The following PTPRZ1 variants were observed in gnomAD, a reference collection of about 807,000 sequenced individuals.
PTPRZ1 encodes the protein protein tyrosine phosphatase receptor type Z1, also known as receptor-type tyrosine-protein phosphatase zeta.
In PTPRZ1, 82 loss-of-function variants were observed where a neutral mutation model predicts 214.1. The ratio of observed to expected loss-of-function variants is 0.38; its 90% CI spans 0.32 to 0.46. PTPRZ1 has a LOEUF of 0.46. PTPRZ1 is among the 20% of genes least tolerant of loss of function. PTPRZ1 has a pLI of 1.00. For missense variants in PTPRZ1, 2,603 were observed against 2,748.7 expected (o/e 0.95, Z 1.19); for synonymous variants, 945 against 987.9 (o/e 0.96, Z 0.81).
chr7:121,893,279 A>G (rs1395240083), intron 1 of PTPRZ1, among the ~76,000 whole-genome samples: 4 of 152,200 alleles, frequency 2.6e-5, no homozygotes, highest in Non-Finnish European at 5.9e-5. Flanking sequence ...TGTGGTTCAA[A>G]CAAGAATAGA....
At chr7:122,044,791 T>C (rs565681794) in intron 23 of PTPRZ1, among the ~76,000 whole-genome samples, 1 of 152,138 alleles carries the variant, frequency 6.6e-6, no homozygotes, top group Non-Finnish European at 1.5e-5. Flanking sequence ...AACCTTAAAC[T>C]AACTTTTATA....
At chr7:121,947,186 C>G (rs1796407365) in intron 2 of PTPRZ1, among the ~76,000 whole-genome samples, 1 of 151,880 alleles carries the variant, frequency 6.6e-6, no homozygotes, top group East Asian at 1.9e-4. Context: ...GATGTTGGCA[C>G]TATTCACTCC....
At chr7:121,957,021 G>C (rs577410869) in intron 2 of PTPRZ1, among the ~76,000 whole-genome samples, 1 of 152,278 alleles carries the variant, frequency 6.6e-6, no homozygotes, top group South Asian at 2.1e-4. Context: ...ATTTCAAACT[G>C]TACGGTCACC....
At position 122,012,020 on chromosome 7, in the gene PTPRZ1, G is replaced by T; in HGVS notation, c.2974G>T (p.Gly992Cys). 6.2e-7 allele frequency: 1 copy of T among 1,614,182 alleles called. No individual in the cohort carries two copies. Among genetic ancestry groups the T allele is most frequent in the Non-Finnish European group, 8.5e-7 (1 of 1,180,024 alleles). The change falls in exon 12 of 30, where the codon GGT becomes TGT. Residue 992 changes from glycine (G) to cysteine (C), a missense_variant. Gly to Cys is a radical substitution (Grantham distance 159). Around this residue, in one of 6 missense-constraint regions of PTPRZ1, gnomAD observed 1,913 missense variants for 1,914.3 expected, o/e 1.00. Transcript: ENST00000393386. ...SLLQPTHALS[G>C]DGEWSGASSD... ...ACTGCAGCCTACTCATGCCCTCTCT[G>T]GTGATGGGGAATGGTCTGGAGCCTC... is the stretch of plus-strand genomic sequence containing the variant.
intron 2 of PTPRZ1, among the ~76,000 whole-genome samples, chr7:121,944,796 C>G (rs181071449): frequency 6.6e-6 from 1 of 152,202 alleles, no homozygotes; most frequent in East Asian, 1.9e-4. Flanking sequence ...GCAGGCACCA[C>G]CATGTCCAGC....
chr7:121,881,519 A>G (rs1794238278), intron 1 of PTPRZ1, among the ~76,000 whole-genome samples: 1 of 152,210 alleles, frequency 6.6e-6, no homozygotes, highest in Non-Finnish European at 1.5e-5. Flanking sequence ...ATCTAGGCCA[A>G]CTTCATGACA....
chr7:122,048,580 G>A (rs1205631620), intron 23 of PTPRZ1, among the ~76,000 whole-genome samples: 1 of 152,074 alleles, frequency 6.6e-6, no homozygotes, highest in Non-Finnish European at 1.5e-5. Flanking sequence ...TGCATTGTAT[G>A]CCTGCATCAG....
At chr7:121,936,173 T>A (rs1796080569) in intron 2 of PTPRZ1, among the ~76,000 whole-genome samples, 1 of 152,134 alleles carries the variant, frequency 6.6e-6, no homozygotes, top group Admixed American at 6.5e-5. Context: ...AACCAAGAAT[T>A]TTCAAGGAGC....
At chr7:121,908,347 G>T in intron 1 of PTPRZ1, 1 of 308,234 alleles carries the variant, frequency 3.2e-6, no homozygotes, top group South Asian at 2.9e-5. Flanking sequence ...TATAAAATGT[G>T]TAGATCAATC....
At chr7:121,909,676 A>G in intron 1 of PTPRZ1, among the ~76,000 whole-genome samples, 1 of 152,298 alleles carries the variant, frequency 6.6e-6, no homozygotes, top group East Asian at 1.9e-4. Context: ...TGATATTTAT[A>G]CTCTAGGTTT....
chr7:121,953,708 C>G (rs372175383), intron 2 of PTPRZ1, among the ~76,000 whole-genome samples: 113 of 152,304 alleles, frequency 7.4e-4, no homozygotes, highest in African/African-American at 2.6e-3. Context: ...GAATAGTTCA[C>G]TTCAGCTATT....
intron 8 of PTPRZ1, among the ~76,000 whole-genome samples, chr7:121,991,304 A>G (rs564411448): frequency 2.6e-5 from 4 of 152,360 alleles, no homozygotes; most frequent in Admixed American, 6.5e-5. Context: ...AGTATGGTAT[A>G]CTATTCAAGT....
At chr7:121,962,948 G>A (rs561271151) in intron 2 of PTPRZ1, among the ~76,000 whole-genome samples, 2 of 152,114 alleles carry the variant, frequency 1.3e-5, no homozygotes, top group South Asian at 4.1e-4. Flanking sequence ...CTTTTAGAGT[G>A]CTTTGCATGA....
intron 6 of PTPRZ1, among the ~76,000 whole-genome samples, chr7:121,979,083 A>C (rs1230159181): frequency 1.3e-5 from 2 of 149,782 alleles, no homozygotes; most frequent in African/African-American, 4.9e-5. Flanking sequence ...AAAAAAAAAC[A>C]CCTTTTCAAC....
chr7:121,964,407 G>A (rs1796977201), intron 2 of PTPRZ1, among the ~76,000 whole-genome samples: 1 of 152,138 alleles, frequency 6.6e-6, no homozygotes, highest in Admixed American at 6.5e-5. Context: ...GAAGGGGGAA[G>A]CCCCTTATAA....
chr7:122,019,283 TG>T lies in PTPRZ1; in HGVS notation c.4988+16del. 2 of 1,602,422 alleles carry T rather than the reference TG, an allele frequency of 1.2e-6. No individual in the cohort carries two copies. The highest frequency in any genetic ancestry group is 1.7e-6 in the Non-Finnish European group (2 of 1,171,934). The stretch of plus-strand genomic sequence containing the variant: ...ATCTACTGGAGGTAAGTTGAGTATT[TG>T]TTTTGGAAAATTTAATTCATAAAAC... On this transcript the variant is annotated intron_variant, in intron 13 of 29. Transcript: ENST00000393386.
At chr7:121,987,737 C>T (rs959599654) in intron 8 of PTPRZ1, among the ~76,000 whole-genome samples, 3 of 152,126 alleles carry the variant, frequency 2.0e-5, no homozygotes, top group Non-Finnish European at 4.4e-5. Flanking sequence ...CTTATATGTT[C>T]ATTGCTGTGC....
chr7:122,019,875 C>T (rs1343823689), intron 13 of PTPRZ1, among the ~76,000 whole-genome samples: 1 of 151,934 alleles, frequency 6.6e-6, no homozygotes, highest in Non-Finnish European at 1.5e-5. Flanking sequence ...ATAATTGTAC[C>T]CATCATAAAA....
In PTPRZ1 at chr7:122,013,733, G is replaced by A. The variant is rs1275920152; in HGVS notation, c.4687G>A (p.Glu1563Lys). 2 of 1,614,086 alleles carry A rather than the reference G, an allele frequency of 1.2e-6. No homozygotes were observed. The highest frequency in any genetic ancestry group is 3.3e-5 in the Admixed American group (2 of 60,000). The change falls in exon 12 of 30, where the codon GAG becomes AAG. Residue 1563 changes from glutamate to lysine, a missense_variant. Physicochemically the swap from Glu to Lys is moderately conservative, Grantham distance 56. Around this residue, in one of 6 missense-constraint regions of PTPRZ1, gnomAD observed 1,913 missense variants for 1,914.3 expected, o/e 1.00. Coordinates refer to ENST00000393386, the MANE Select transcript of PTPRZ1 (RefSeq NM_002851.3). ...QGTSDSLNEN[E>K]TSTDFSFADT... Reference sequence around the variant, plus strand: ...TACCTCAGATAGCCTTAATGAGAATGAGACTTCCACAGATTTCAGTTTTGC... The same window carrying A: ...TACCTCAGATAGCCTTAATGAGAATAAGACTTCCACAGATTTCAGTTTTGC...
Sources: allele counts gnomAD v4.1 joint callset (sites outside exome capture counted in the v4.1 genomes callset), GRCh38; gene constraint gnomAD v4.1.1; regional missense constraint gnomAD v4.1.1; transcripts MANE v1.5; gene names NCBI Gene and HGNC (gene_info 2026-07-23, HGNC 2026-07-21).